Variants in TRPC5 observed in about 807,000 individuals in gnomAD.
The protein encoded by TRPC5 is short transient receptor potential channel 5.
Under a neutral mutation model 56.5 loss-of-function variants are expected in TRPC5, and 9 were observed. The ratio of observed to expected loss-of-function variants is 0.16; its 90% CI spans 0.10 to 0.28. The LOEUF is 0.28. TRPC5 is among the 10% of genes least tolerant of loss of function. The probability of loss-of-function intolerance (pLI) is 1.00; values close to 1 mark genes in which losing one functional copy is unlikely to be tolerated. For synonymous variants in TRPC5, 282 were observed against 278.5 expected (o/e 1.01, Z -0.13); for missense variants, 469 against 748.9 (o/e 0.63, Z 4.36).
chrX:111,995,589 G>C (rs1408477712), intron 1 of TRPC5, among the ~76,000 whole-genome samples: 5 of 110,867 alleles, frequency 4.5e-5, no homozygotes, highest in Non-Finnish European at 9.4e-5. Flanking sequence ...GAATCCATCT[G>C]GTCCTGGACT....
At position 111,768,576 on chromosome X, in the gene TRPC5, G is replaced by T. The variant is rs147905659; in HGVS notation, c.*7737C>A. 3.6e-5 allele frequency among the ~76,000 whole-genome samples: 4 copies of T among 112,115 alleles called. No individual in the cohort carries two copies. Among genetic ancestry groups the T allele is most frequent in the Admixed American group, 9.5e-5 (1 of 10,556 alleles). On this transcript the variant is annotated 3_prime_UTR_variant, in exon 11 of 11. Coordinates refer to ENST00000262839, the MANE Select transcript of TRPC5 (RefSeq NM_012471.3). ...TAAAATGTATTTGCTTGAGAAGGAT[G>T]TGTTTATCCTTATCTGAAGTGTCCT...
chrX:111,799,875 A>G (rs1367239143), intron 7 of TRPC5, among the ~76,000 whole-genome samples: 2 of 112,146 alleles, frequency 1.8e-5, no homozygotes, highest in Non-Finnish European at 3.8e-5. Context: ...CACTTGACGG[A>G]GATGAGTGCT....
chrX:111,975,459 G>C (rs927799735), intron 1 of TRPC5, among the ~76,000 whole-genome samples: 149 of 110,438 alleles, frequency 1.3e-3, no homozygotes, highest in African/African-American at 4.6e-3. Context: ...TAAGTTCTAG[G>C]GTACATGTGC....
intron 2 of TRPC5, among the ~76,000 whole-genome samples, chrX:111,917,875 T>C (rs943696974): frequency 8.9e-6 from 1 of 112,827 alleles, no homozygotes; most frequent in Non-Finnish European, 1.9e-5. Context: ...GGGACATTCT[T>C]GTTCTGTTAG....
chrX:111,936,301 A>G (rs5985664), intron 2 of TRPC5, among the ~76,000 whole-genome samples: 11,037 of 109,996 alleles, frequency 0.1, 540 homozygotes, highest in African/African-American at 0.19. Flanking sequence ...TGTTGATTTT[A>G]TATCCTGCAC....
At chrX:111,889,764 G>T (rs1924712145) in intron 3 of TRPC5, among the ~76,000 whole-genome samples, 1 of 111,783 alleles carries the variant, frequency 8.9e-6, no homozygotes, top group African/African-American at 3.2e-5. Flanking sequence ...TATTCTGAGT[G>T]TATCTATCTC....
intron 2 of TRPC5, among the ~76,000 whole-genome samples, chrX:111,926,004 C>A (rs1382370807): frequency 1.8e-5 from 2 of 111,954 alleles, no homozygotes; most frequent in Non-Finnish European, 3.8e-5. Context: ...TAACAGCTCT[C>A]CCTTCTACCC....
intron 2 of TRPC5, among the ~76,000 whole-genome samples, chrX:111,939,261 G>T (rs1043446293): frequency 1.8e-5 from 2 of 111,790 alleles, no homozygotes; most frequent in African/African-American, 6.5e-5. Flanking sequence ...ACTTGGCCAT[G>T]ATAAGTGACC....
At chrX:111,994,409 G>C (rs373150813) in intron 1 of TRPC5, among the ~76,000 whole-genome samples, 1 of 110,643 alleles carries the variant, frequency 9.0e-6, no homozygotes, top group Non-Finnish European at 1.9e-5. Context: ...TCCATATGAA[G>C]TTTAAAGTAG....
rs761489670 is a variant in TRPC5 at position 111,823,670 on chromosome X, G to A, written c.1896+11251C>T. On this transcript the variant is annotated intron_variant, in intron 7 of 10. Transcript: ENST00000262839. ...AAAAGAGAGCTAGTTGGCGTGTGTT[G>A]GGGGTAGAGATAGGGGATCTCAGCT... Among the ~76,000 whole-genome samples the A allele has an allele frequency of 2.6e-3, 293 of 110,931 alleles. 1 individual carries two copies. Among genetic ancestry groups the A allele is most frequent in the Non-Finnish European group, 4.1e-3 (217 of 53,046 alleles).
chrX:111,810,164 C>T (rs776454671), intron 7 of TRPC5, among the ~76,000 whole-genome samples: 1 of 111,240 alleles, frequency 9.0e-6, no homozygotes, highest in Non-Finnish European at 1.9e-5. Flanking sequence ...CCGCCCGCCT[C>T]GACCTCCCAA....
chrX:111,951,493 A>G (rs992953931), intron 2 of TRPC5, among the ~76,000 whole-genome samples: 2 of 112,029 alleles, frequency 1.8e-5, no homozygotes, highest in Non-Finnish European at 3.8e-5. Flanking sequence ...GGTGCCTTGG[A>G]GGATATGAGA....
intron 3 of TRPC5, among the ~76,000 whole-genome samples, chrX:111,894,286 A>G (rs895443010): frequency 8.9e-6 from 1 of 111,894 alleles, no homozygotes; most frequent in African/African-American, 3.2e-5. Context: ...TTAGACACTT[A>G]TTGCCAGTTT....
intron 1 of TRPC5, among the ~76,000 whole-genome samples, chrX:111,991,587 T>C (rs755721146): frequency 8.9e-6 from 1 of 111,916 alleles, no homozygotes; most frequent in South Asian, 3.8e-4. Flanking sequence ...CATGAGCAAA[T>C]GAGCAAAGTA....
At chrX:111,975,407 A>G (rs2148650195) in intron 1 of TRPC5, among the ~76,000 whole-genome samples, 1 of 110,088 alleles carries the variant, frequency 9.1e-6, no homozygotes, top group African/African-American at 3.3e-5. Flanking sequence ...TATGATTTCC[A>G]TAGGTGCCAT....
chrX:111,869,504 A>G (rs1191419476), intron 3 of TRPC5, among the ~76,000 whole-genome samples: 1 of 111,992 alleles, frequency 8.9e-6, no homozygotes, highest in Non-Finnish European at 1.9e-5. Flanking sequence ...TTCATTTCAA[A>G]CTAGGGCTAA....
intron 1 of TRPC5, among the ~76,000 whole-genome samples, chrX:112,004,501 C>T: frequency 8.9e-6 from 1 of 112,129 alleles, no homozygotes; most frequent in Non-Finnish European, 1.9e-5. Context: ...TGCAAGAGGC[C>T]ATTTGGAAAC....
At chrX:111,981,571 A>G (rs1357126890) in intron 1 of TRPC5, among the ~76,000 whole-genome samples, 3 of 111,639 alleles carry the variant, frequency 2.7e-5, no homozygotes, top group Non-Finnish European at 5.6e-5. Context: ...TGGCACCTAA[A>G]CACATCTCAT....
rs1930985904 is a variant in TRPC5, at chrX:112,082,162, A to C, written c.-305T>G. On this transcript the variant is annotated 5_prime_UTR_variant, in exon 1 of 11. Transcript: ENST00000262839. ...AACAGATCGGCCCTCCTCACCTTTC[A>C]CCTTCGCCAGTGCCCTGAAACTCTT... is the stretch of plus-strand genomic sequence containing the variant. 9.0e-6 allele frequency: 1 copy of C among 111,071 alleles called. No individual in the cohort carries two copies. The highest frequency in any genetic ancestry group is 3.9e-4 in the South Asian group (1 of 2,592). The allele number at this position is 111,071 out of a possible 1,213,427, so 9.2% of individuals were successfully genotyped here.
Sources: gnomAD v4.1 joint callset for allele counts (sites outside exome capture counted in the v4.1 genomes callset) on GRCh38, gnomAD v4.1.1 for gene constraint, MANE v1.5 for transcripts, NCBI Gene and HGNC (gene_info 2026-07-23, HGNC 2026-07-21) for gene names.